SERTM1: variants seen among roughly 807,000 people sequenced by gnomAD.
The protein encoded by SERTM1 is serine rich and transmembrane domain containing 1, also known as serine-rich and transmembrane domain-containing protein 1.
Under a neutral mutation model 5.5 loss-of-function variants are expected in SERTM1, and 1 was observed. That is an observed-to-expected ratio of 0.18 (90% CI 0.06 to 0.86). SERTM1 has a LOEUF of 0.86. SERTM1 is among the 40% of genes least tolerant of loss of function. The probability of loss-of-function intolerance (pLI) is 0.69; values close to 1 mark genes in which losing one functional copy is unlikely to be tolerated. For missense variants in SERTM1, 91 were observed against 122.4 expected (o/e 0.74, Z 1.21); for synonymous variants, 52 against 55.1 (o/e 0.94, Z 0.25).
At chr13:36,690,529 G>T (rs765111316) in intron 1 of SERTM1, among the ~76,000 whole-genome samples, 7 of 152,200 alleles carry the variant, frequency 4.6e-5, no homozygotes, top group Non-Finnish European at 7.3e-5. Flanking sequence ...CTCTCAGCTA[G>T]CATGACCTAA....
intron 1 of SERTM1, among the ~76,000 whole-genome samples, chr13:36,692,068 G>T (rs530939884): frequency 6.6e-6 from 1 of 152,264 alleles, no homozygotes; most frequent in South Asian, 2.1e-4. Flanking sequence ...AAATTAAGAA[G>T]TACCCCGGAA....
intron 1 of SERTM1, among the ~76,000 whole-genome samples, chr13:36,677,460 T>C (rs2056677579): frequency 6.6e-6 from 1 of 152,216 alleles, no homozygotes; most frequent in African/African-American, 2.4e-5. Flanking sequence ...CAATTTGTAC[T>C]TTGATTCTTG....
intron 1 of SERTM1, among the ~76,000 whole-genome samples, chr13:36,692,041 T>C (rs1002279350): frequency 5.1e-4 from 78 of 152,330 alleles, no homozygotes; most frequent in African/African-American, 1.8e-3. Flanking sequence ...AAATGAAATT[T>C]GTGTAGCTGT....
At chr13:36,687,142 A>C (rs2056746355) in intron 1 of SERTM1, among the ~76,000 whole-genome samples, 1 of 152,330 alleles carries the variant, frequency 6.6e-6, no homozygotes, top group Non-Finnish European at 1.5e-5. Context: ...GTAATCAACT[A>C]GGGTTCTATC....
At chr13:36,692,707 A>G (rs2056786920) in intron 1 of SERTM1, among the ~76,000 whole-genome samples, 1 of 152,226 alleles carries the variant, frequency 6.6e-6, no homozygotes, top group Non-Finnish European at 1.5e-5. Context: ...TGCAAATGAG[A>G]AAAATAAAAG....
At chr13:36,678,694 T>A (rs1390162026) in intron 1 of SERTM1, among the ~76,000 whole-genome samples, 15 of 148,644 alleles carry the variant, frequency 1.0e-4, no homozygotes, top group Non-Finnish European at 7.4e-5. Flanking sequence ...TATATATATA[T>A]AAAATATAGT....
rs565319206 is a variant in SERTM1, at chr13:36,680,254, C to T, written c.-174+6070C>T. On this transcript the variant is annotated intron_variant, in intron 1 of 1. Coordinates refer to ENST00000315190, the MANE Select transcript of SERTM1 (RefSeq NM_203451.3). ...GTCTCAGACCTTCAGAAAGACTCCT[C>T]GCCAACAAAATGGGTCTAGTTGAAT... 1.1e-4 allele frequency among the ~76,000 whole-genome samples: 16 copies of T among 152,244 alleles called. No individual in the cohort carries two copies. In the East Asian group the frequency reaches 1.4e-3, roughly 13 times the overall value.
At chr13:36,677,004 C>T (rs2056673785) in intron 1 of SERTM1, among the ~76,000 whole-genome samples, 1 of 152,058 alleles carries the variant, frequency 6.6e-6, no homozygotes, top group African/African-American at 2.4e-5. Context: ...TTCAGGAAGT[C>T]CATCTGTGCA....
At chr13:36,678,243 C>A (rs1435299893) in intron 1 of SERTM1, among the ~76,000 whole-genome samples, 2 of 152,050 alleles carry the variant, frequency 1.3e-5, no homozygotes, top group Non-Finnish European at 2.9e-5. Flanking sequence ...TGTTAACATG[C>A]CCCCATAATA....
At chr13:36,688,201 T>A (rs1012545452) in intron 1 of SERTM1, among the ~76,000 whole-genome samples, 1 of 151,912 alleles carries the variant, frequency 6.6e-6, no homozygotes, top group Non-Finnish European at 1.5e-5. Flanking sequence ...TTTATGAGAA[T>A]TCTATTTTAT....
chr13:36,686,905 A>T (rs1373263430), intron 1 of SERTM1, among the ~76,000 whole-genome samples: 1 of 152,206 alleles, frequency 6.6e-6, no homozygotes, highest in Non-Finnish European at 1.5e-5. Flanking sequence ...TAAAGAATAT[A>T]ATATGGCCAA....
At chr13:36,683,047 A>G (rs780327320) in intron 1 of SERTM1, among the ~76,000 whole-genome samples, 2 of 152,086 alleles carry the variant, frequency 1.3e-5, no homozygotes, top group Non-Finnish European at 1.5e-5. Context: ...TTAACCAAAA[A>G]CAATACCACT....
At chr13:36,685,750 G>A (rs1457974268) in intron 1 of SERTM1, among the ~76,000 whole-genome samples, 1 of 152,174 alleles carries the variant, frequency 6.6e-6, no homozygotes, top group Non-Finnish European at 1.5e-5. Flanking sequence ...TATAAGAGTT[G>A]TAAGGAGTGT....
At chr13:36,675,629 C>A (rs964331517) in intron 1 of SERTM1, among the ~76,000 whole-genome samples, 12 of 151,926 alleles carry the variant, frequency 7.9e-5, no homozygotes, top group Admixed American at 2.0e-4. Context: ...AAATTCTCTT[C>A]ATTTTACTAA....
chr13:36,676,883 A>G (rs769207272), intron 1 of SERTM1, among the ~76,000 whole-genome samples: 11 of 152,238 alleles, frequency 7.2e-5, no homozygotes, highest in Non-Finnish European at 1.2e-4. Context: ...CTTTAAGCCC[A>G]CGAGTTGGCA....
In SERTM1 at chr13:36,677,981, G is replaced by GA. The variant is rs200441287; in HGVS notation, c.-174+3806dup. On this transcript the variant is annotated intron_variant, in intron 1 of 1. Coordinates refer to ENST00000315190, the MANE Select transcript of SERTM1 (RefSeq NM_203451.3). ...GGCATCAGCCTGAGAGTCAAACTTT[G>GA]AAAAAAAAATGGTAGAAATGAACCA... 6.7e-3 allele frequency among the ~76,000 whole-genome samples: 995 copies of GA among 149,320 alleles called. 8 individuals are homozygous for GA. Among genetic ancestry groups the GA allele is most frequent in the African/African-American group, 0.013 (525 of 40,690 alleles).
intron 1 of SERTM1, among the ~76,000 whole-genome samples, chr13:36,680,830 A>C (rs879561024): frequency 3.3e-5 from 5 of 152,072 alleles, no homozygotes; most frequent in Admixed American, 6.5e-5. Context: ...TCTGCTCACT[A>C]TAACCTCCGC....
chr13:36,676,195 A>T (rs1238784981), intron 1 of SERTM1, among the ~76,000 whole-genome samples: 1 of 151,960 alleles, frequency 6.6e-6, no homozygotes, highest in East Asian at 1.9e-4. Flanking sequence ...GTGAGGGCAG[A>T]TGAAGAATGA....
At chr13:36,680,138 A>C (rs1232995411) in intron 1 of SERTM1, among the ~76,000 whole-genome samples, 1 of 152,190 alleles carries the variant, frequency 6.6e-6, no homozygotes, top group Admixed American at 6.5e-5. Flanking sequence ...GATAAGGGAT[A>C]CTCAATCTGT....
Sources: allele counts gnomAD v4.1 joint callset (sites outside exome capture counted in the v4.1 genomes callset), GRCh38; gene constraint gnomAD v4.1.1; transcripts MANE v1.5; gene names NCBI Gene and HGNC (gene_info 2026-07-23, HGNC 2026-07-21).